The following SYNPO2 variants were observed in gnomAD, a reference collection of about 807,000 sequenced individuals.
SYNPO2 encodes the protein synaptopodin-2.
Under a neutral mutation model 85.0 loss-of-function variants are expected in SYNPO2, and 56 were observed. The ratio of observed to expected loss-of-function variants is 0.66; its 90% CI spans 0.53 to 0.82. SYNPO2 has a LOEUF of 0.82. Ranked by LOEUF, SYNPO2 falls within the 40% of genes least tolerant of loss-of-function variation. The pLI is 0.00. For synonymous variants in SYNPO2, 602 were observed against 591.1 expected, an observed-to-expected ratio of 1.02 and a Z score of -0.27; for missense variants, 1,575 against 1,534.2, an observed-to-expected ratio of 1.03 and a Z score of -0.44.
chr4:118,875,015 C>T (rs527686271), intron 1 of SYNPO2, among the ~76,000 whole-genome samples: 103 of 152,250 alleles, frequency 6.8e-4, no homozygotes, highest in African/African-American at 2.4e-3. Context: ...TAATGCTCTC[C>T]CCATCTGACA....
chr4:119,033,866 T>C lies in SYNPO2; in HGVS notation c.3252+1839T>C, dbSNP rs1553948983. The C allele has an allele frequency of 6.1e-6, 6 of 985,166 alleles. No homozygotes were observed. The South Asian group carries it at 1.9e-4, about 31-fold the overall frequency. 61.0% of individuals were successfully genotyped at this position (985,166 alleles called of 1,614,324 possible). On this transcript the variant is annotated intron_variant, in intron 4 of 4. Transcript: ENST00000307142. ...TTAGCATATCTATTTCTCCATACATTGTAAAACTGTAATCCTTAGGTATTT... is the reference window on the plus strand; with the variant it reads ...TTAGCATATCTATTTCTCCATACATCGTAAAACTGTAATCCTTAGGTATTT...
intron 1 of SYNPO2, among the ~76,000 whole-genome samples, chr4:118,997,218 C>T (rs1736638762): frequency 1.7e-5 from 2 of 120,922 alleles, no homozygotes; most frequent in African/African-American, 6.6e-5. Flanking sequence ...CCAGCCTGGG[C>T]GACAGAGCGA....
chr4:118,891,859 A>T (rs1400519699), intron 1 of SYNPO2, among the ~76,000 whole-genome samples: 1 of 152,214 alleles, frequency 6.6e-6, no homozygotes, highest in Non-Finnish European at 1.5e-5. Flanking sequence ...AGAAAAGAAA[A>T]TTTCGGCGAG....
intron 1 of SYNPO2, among the ~76,000 whole-genome samples, chr4:118,854,278 G>A (rs1259032821): frequency 6.6e-6 from 1 of 152,184 alleles, no homozygotes; most frequent in Non-Finnish European, 1.5e-5. Context: ...ATGTCACTCT[G>A]TGAAGCATGA....
At chr4:119,046,496 TCCC>T (rs923539326) in intron 4 of SYNPO2, among the ~76,000 whole-genome samples, 2 of 152,168 alleles carry the variant, frequency 1.3e-5, no homozygotes, top group African/African-American at 4.8e-5. Flanking sequence ...AAGGCAAGTC[TCCC>T]TCCTATTTTT....
At chr4:118,939,913 T>C (rs1248223444) in intron 1 of SYNPO2, among the ~76,000 whole-genome samples, 2 of 152,094 alleles carry the variant, frequency 1.3e-5, no homozygotes, top group Admixed American at 1.3e-4. Context: ...TGTGCTGGCT[T>C]GGCACTAAAG....
intron 1 of SYNPO2, among the ~76,000 whole-genome samples, chr4:118,994,445 G>A (rs537975925): frequency 2.2e-4 from 33 of 152,328 alleles, no homozygotes; most frequent in Admixed American, 7.8e-4. Flanking sequence ...GCCCTGTTTT[G>A]AAAGAGGAGA....
intron 4 of SYNPO2, among the ~76,000 whole-genome samples, chr4:119,040,951 CAGAA>C (rs1166564783): frequency 2.0e-5 from 3 of 152,198 alleles, no homozygotes; most frequent in African/African-American, 7.2e-5. Context: ...TTTCCAAAAA[CAGAA>C]AGAGTGAAAC....
At chr4:119,009,009 GA>G (rs778997474) in intron 1 of SYNPO2, among the ~76,000 whole-genome samples, 34 of 152,238 alleles carry the variant, frequency 2.2e-4, no homozygotes, top group Non-Finnish European at 4.3e-4. Flanking sequence ...AGGAACAAAT[GA>G]AAACCTCTTG....
intron 1 of SYNPO2, among the ~76,000 whole-genome samples, chr4:118,877,981 G>T (rs1284881861): frequency 6.6e-6 from 1 of 152,132 alleles, no homozygotes; most frequent in African/African-American, 2.4e-5. Flanking sequence ...ACATTAGACT[G>T]GTTTAAAAAA....
At chr4:118,933,559 C>T (rs1733997880) in intron 1 of SYNPO2, among the ~76,000 whole-genome samples, 1 of 152,132 alleles carries the variant, frequency 6.6e-6, no homozygotes, top group Non-Finnish European at 1.5e-5. Context: ...CACATATAAA[C>T]ATAGATAAGT....
chr4:118,996,922 A>G lies in SYNPO2; in HGVS notation c.106-26508A>G, dbSNP rs572019296. ...AAATGTCCATTTGCAAGCAGAAAAG[A>G]AGTCAATTAATTTTGACAAAAATTT... On this transcript the variant is annotated intron_variant, in intron 1 of 4. Coordinates refer to ENST00000307142, the MANE Select transcript of SYNPO2 (RefSeq NM_133477.3). 5.3e-5 allele frequency among the ~76,000 whole-genome samples: 8 copies of G among 151,154 alleles called. No homozygotes were observed. In the East Asian group the frequency reaches 9.9e-4, roughly 19 times the overall value.
At chr4:118,922,443 C>T (rs976271807) in intron 1 of SYNPO2, among the ~76,000 whole-genome samples, 1 of 151,940 alleles carries the variant, frequency 6.6e-6, no homozygotes, top group African/African-American at 2.4e-5. Context: ...TGTGGTGCTC[C>T]TTACTTTATC....
rs756930820 is a variant in SYNPO2, at chr4:119,030,032, A to T, written c.1257A>T (p.Arg419=). 1 of 1,614,118 alleles carries T rather than the reference A, an allele frequency of 6.2e-7. No individual in the cohort carries two copies. The highest frequency in any genetic ancestry group is 2.2e-5 in the East Asian group (1 of 44,878). Residue 419 remains arginine (R), a synonymous_variant, in exon 4 of 5, where the codon CGA becomes CGT. Coordinates refer to ENST00000307142, the MANE Select transcript of SYNPO2 (RefSeq NM_133477.3). The part of the protein sequence containing the change: ...LVSYGTGELE[R]EADEEEEGDK... ...GCTACGGTACTGGCGAGCTTGAGCGAGAGGCGGACGAGGAGGAAGAAGGTG... is the reference window on the plus strand; with the variant it reads ...GCTACGGTACTGGCGAGCTTGAGCGTGAGGCGGACGAGGAGGAAGAAGGTG...
chr4:118,990,852 T>G (rs565165923), intron 1 of SYNPO2, among the ~76,000 whole-genome samples: 8 of 152,236 alleles, frequency 5.3e-5, no homozygotes, highest in African/African-American at 1.9e-4. Flanking sequence ...TCAAGTTATC[T>G]GCCCGCCTCG....
chr4:118,943,688 G>C (rs1336558767), intron 1 of SYNPO2, among the ~76,000 whole-genome samples: 1 of 152,172 alleles, frequency 6.6e-6, no homozygotes, highest in African/African-American at 2.4e-5. Context: ...TAAGTTACTT[G>C]AACCCTATAT....
chr4:118,925,595 G>A (rs1196935911), intron 1 of SYNPO2, among the ~76,000 whole-genome samples: 1 of 152,096 alleles, frequency 6.6e-6, no homozygotes, highest in Non-Finnish European at 1.5e-5. Context: ...CTTGAGCTCT[G>A]CAGCTTTTCC....
chr4:118,961,099 G>GCT, intron 1 of SYNPO2, among the ~76,000 whole-genome samples: 1 of 94,652 alleles, frequency 1.1e-5, no homozygotes, highest in Non-Finnish European at 2.0e-5. Flanking sequence ...CTATTTTACC[G>GCT]CCCCCCCCCC....
chr4:118,973,697 G>C (rs1735621617), intron 1 of SYNPO2, among the ~76,000 whole-genome samples: 2 of 151,984 alleles, frequency 1.3e-5, no homozygotes, highest in African/African-American at 4.8e-5. Context: ...CCCCACAAAA[G>C]AACCCACCAT....
Sources: allele counts gnomAD v4.1 joint callset (sites outside exome capture counted in the v4.1 genomes callset), GRCh38; gene constraint gnomAD v4.1.1; transcripts MANE v1.5; gene names NCBI Gene and HGNC (gene_info 2026-07-23, HGNC 2026-07-21).